Variants in SPACA6 observed in about 807,000 individuals in gnomAD.
SPACA6 encodes sperm acrosome membrane-associated protein 6.
For synonymous variants in SPACA6, 6 were observed against 1.5 expected, an observed-to-expected ratio of 4.05 and a Z score of -2.21; for missense variants, 8 against 2.8, an observed-to-expected ratio of 2.88 and a Z score of -1.34.
chr19:51,683,946 C>T, the SPACA6 span, among the ~76,000 whole-genome samples: 2 of 114,854 alleles, frequency 1.7e-5, no homozygotes, highest in South Asian at 4.5e-4. Flanking sequence ...GAAACTAAAA[C>T]AATATATATG....
chr19:51,687,995 T>A (rs1381638270), upstream of SPACA6: 2 of 152,246 alleles, frequency 1.3e-5, no homozygotes, highest in African/African-American at 4.8e-5. Flanking sequence ...GGGGGCCTCC[T>A]CCCCAGCCTC....
At chr19:51,691,448 T>C (rs1388510077), upstream of SPACA6, among the ~76,000 whole-genome samples, 1 of 99,098 alleles carries the variant, frequency 1.0e-5, no homozygotes, top group South Asian at 3.2e-4. Context: ...AGAGAGAGAA[T>C]GAGAGAGACA....
At chr19:51,693,321 G>A (rs143525573), upstream of SPACA6, 5 of 752,182 alleles carry the variant, frequency 6.6e-6, no homozygotes, top group East Asian at 1.2e-4. Context: ...TGAGGTTCTT[G>A]GGAGCCTGGC....
chr19:51,692,763 G>A (rs1383037516), upstream of SPACA6: 2 of 534,324 alleles, frequency 3.7e-6, no homozygotes, highest in Non-Finnish European at 3.8e-6. This position sits in a 1 kb window ranked among gnomAD's most constrained non-coding sequence, Gnocchi z 5.6. Context: ...TCTGTCTGTC[G>A]GGTCTGTCCA....
chr19:51,694,634 AG>A (rs2083411081), intron 2 of SPACA6, 79 bp downstream of exon 2: 1 of 399,086 alleles, frequency 2.5e-6, no homozygotes, highest in Admixed American at 4.4e-5. Context: ...GGCCCAGGGC[AG>A]AGGAAGGAGG....
At chr19:51,683,254 A>G in the SPACA6 span, among the ~76,000 whole-genome samples, 3 of 151,906 alleles carry the variant, frequency 2.0e-5, no homozygotes, top group Admixed American at 6.6e-5. Flanking sequence ...CTTCTTCCCA[A>G]GTATTTTATC....
chr19:51,704,023 C>A lies in SPACA6; in HGVS notation c.574-7C>A. 2.5e-6 allele frequency: 1 copy of A among 401,034 alleles called. No homozygotes were observed. Among genetic ancestry groups the A allele is most frequent in the South Asian group, 1.3e-4 (1 of 7,948 alleles). 24.8% of individuals were successfully genotyped at this position (401,034 alleles called of 1,614,324 possible). ...AGTTGAGGCGTTTAAACCCGCGTGT[C>A]CCGCAGCTCCGGACTCAGGACTTGT... On this transcript the variant is annotated splice_region_variant and splice_polypyrimidine_tract_variant and intron_variant, in intron 6 of 8. Coordinates refer to ENST00000637797, the MANE Select transcript of SPACA6 (RefSeq NM_001316972.2).
At chr19:51,686,895 T>C (rs1321873794), upstream of SPACA6, 1 of 152,216 alleles carries the variant, frequency 6.6e-6, no homozygotes, top group Non-Finnish European at 1.5e-5. Context: ...TATCCCATTG[T>C]TAGTAATTAT....
rs2083483312 is a variant in SPACA6 at position 51,703,178 on chromosome 19, G to A, written c.464-50G>A. The A allele has an allele frequency of 5.0e-5, 20 of 399,316 alleles. No homozygotes were observed. The East Asian group carries it at 5.3e-4, about 11-fold the overall frequency. 24.7% of individuals were successfully genotyped at this position (399,316 alleles called of 1,614,324 possible). ...GCACCGAGGGGCATAAGCTGGTGGC[G>A]AGGCCAGACGTGGTCGGGGCCCAGC... On this transcript the variant is annotated intron_variant, in intron 5 of 8. Transcript: ENST00000637797. This position sits in a 1 kb window ranked among gnomAD's most constrained non-coding sequence, Gnocchi z 4.2.
chr19:51,692,944 G>A (rs1329301842), upstream of SPACA6: 4 of 488,890 alleles, frequency 8.2e-6, no homozygotes, highest in Non-Finnish European at 1.7e-5. This position sits in a 1 kb window ranked among gnomAD's most constrained non-coding sequence, Gnocchi z 5.6. Flanking sequence ...GCTGCCCCAG[G>A]GACCCTGGGA....
chr19:51,713,022 G>A (rs563356837), downstream of SPACA6: 1 of 176,526 alleles, frequency 5.7e-6, no homozygotes, highest in Non-Finnish European at 1.2e-5. This position sits in a 1 kb window ranked among gnomAD's most constrained non-coding sequence, Gnocchi z 4.5. Context: ...TCTTGTCCAG[G>A]TTCAAACGGC....
chr19:51,706,074 A>C (rs979746467), downstream of SPACA6, among the ~76,000 whole-genome samples: 3 of 152,088 alleles, frequency 2.0e-5, no homozygotes, highest in African/African-American at 7.2e-5. Context: ...GTTGCCATTG[A>C]GACAAAATCC....
the SPACA6 span, among the ~76,000 whole-genome samples, chr19:51,683,602 A>C: frequency 6.6e-6 from 1 of 152,216 alleles, no homozygotes; most frequent in Admixed American, 6.5e-5. Context: ...TTGCCCTGTT[A>C]ATATAAAATT....
chr19:51,706,646 G>A (rs2083516991), downstream of SPACA6, among the ~76,000 whole-genome samples: 1 of 151,748 alleles, frequency 6.6e-6, no homozygotes, highest in African/African-American at 2.4e-5. Flanking sequence ...TGTTCACTGA[G>A]CTCATCTGGA....
At chr19:51,701,356 C>A (rs564940623) in intron 2 of SPACA6, among the ~76,000 whole-genome samples, 2 of 152,224 alleles carry the variant, frequency 1.3e-5, no homozygotes, top group South Asian at 4.2e-4. Flanking sequence ...CTCCCCCCAA[C>A]AAGCTACATG....
At chr19:51,684,878 T>C (rs911191631), upstream of SPACA6, among the ~76,000 whole-genome samples, 2 of 152,190 alleles carry the variant, frequency 1.3e-5, no homozygotes, top group Non-Finnish European at 2.9e-5. Context: ...AGTGTGGGGA[T>C]TATCCCACCT....
upstream of SPACA6, among the ~76,000 whole-genome samples, chr19:51,690,078 G>T (rs2083356765): frequency 6.6e-6 from 1 of 151,254 alleles, no homozygotes; most frequent in East Asian, 2.0e-4. Context: ...GGTCAGCGGC[G>T]GGGGCAGGAG....
At chr19:51,707,988 G>T (rs2083523772), downstream of SPACA6, among the ~76,000 whole-genome samples, 2 of 152,212 alleles carry the variant, frequency 1.3e-5, no homozygotes, top group Admixed American at 1.3e-4. Context: ...TGGAAGCTCT[G>T]CAAACCCCAT....
chr19:51,686,881 T>C (rs2122172843), upstream of SPACA6: 1 of 152,378 alleles, frequency 6.6e-6, no homozygotes, highest in African/African-American at 2.4e-5. Flanking sequence ...GTTGTCATTA[T>C]TATTATCCCA....
Sources: gnomAD v4.1 joint callset for allele counts (sites outside exome capture counted in the v4.1 genomes callset) on GRCh38, gnomAD v4.1.1 for gene constraint, Gnocchi (gnomAD v3.1) non-coding constraint, MANE v1.5 for transcripts, NCBI Gene and HGNC (gene_info 2026-07-23, HGNC 2026-07-21) for gene names.